NUP160: variants seen among roughly 807,000 people sequenced by gnomAD.
The protein encoded by NUP160 is nucleoporin 160.
NUP160 carries 94 observed loss-of-function variants against 196.9 expected under a neutral mutation model. The ratio of observed to expected loss-of-function variants is 0.48; its 90% confidence interval spans 0.40 to 0.57. The LOEUF (loss-of-function observed/expected upper bound fraction) is 0.57, where lower values mean the gene tolerates loss of function less well. Ranked by LOEUF, NUP160 falls within the 20% of genes least tolerant of loss-of-function variation. The probability of loss-of-function intolerance (pLI) is 0.00; values close to 1 mark genes in which losing one functional copy is unlikely to be tolerated. For synonymous variants in NUP160, 605 were observed against 619.7 expected (o/e 0.98, Z 0.35); for missense variants, 1,638 against 1,748.3 (o/e 0.94, Z 1.13).
In NUP160 at chr11:47,821,878, G is replaced by A. The variant is rs73456941; in HGVS notation, c.1180-57C>T. 6.6e-3 allele frequency: 8,986 copies of A among 1,362,660 alleles called. 497 individuals carry two copies. In the African/African-American group the frequency reaches 0.11, roughly 17 times the overall value. 84.4% of individuals were successfully genotyped at this position (1,362,660 alleles called of 1,614,324 possible). On this transcript the variant is annotated intron_variant, in intron 8 of 35. Coordinates refer to ENST00000378460, the Ensembl canonical transcript of NUP160. ...AATAAGAAAGAAAGTAGTAGTTCAC[G>A]GTGACTTACTTTTTCATCAGTAGGA...
chr11:47,784,879 T>C lies in NUP160; in HGVS notation c.3990+43A>G, dbSNP rs75075025. Reference sequence around the variant, plus strand: ...CATCTCATGAAGTTATCCAGAATGATAAAGAGTGGGTTCTTACTCTGTACA... The same window carrying C: ...CATCTCATGAAGTTATCCAGAATGACAAAGAGTGGGTTCTTACTCTGTACA... On this transcript the variant is annotated intron_variant, in intron 33 of 35. Transcript: ENST00000378460. 1.7e-5 allele frequency: 24 copies of C among 1,438,146 alleles called. No individual in the cohort carries two copies. The East Asian group carries it at 5.7e-4, about 34-fold the overall frequency. The allele number at this position is 1,438,146 out of a possible 1,614,324, so 89.1% of individuals were successfully genotyped here.
chr11:47,784,758 T>G (rs1424182706), intron 33 of NUP160, 164 bp downstream of exon 33: 2 of 421,086 alleles, frequency 4.7e-6, no homozygotes, highest in Non-Finnish European at 8.4e-6. Flanking sequence ...CCCAAGCTGG[T>G]CTCAAACTCC....
At chr11:47,791,831 T>C (rs1431867214) in intron 29 of NUP160, 99 bp downstream of exon 29, 6 of 822,920 alleles carry the variant, frequency 7.3e-6, no homozygotes, top group Non-Finnish European at 1.2e-5. Context: ...ATTACTATTA[T>C]ATGTAGCTTA....
At chr11:47,787,982 A>G (rs1370274239) in intron 31 of NUP160, among the ~76,000 whole-genome samples, 200 bp downstream of exon 31, 2 of 152,036 alleles carry the variant, frequency 1.3e-5, no homozygotes, top group African/African-American at 4.8e-5. Flanking sequence ...TCGGCCTCCC[A>G]AAGTGCTGGG....
chr11:47,821,336 T>TA (rs1851851220), intron 9 of NUP160: 1 of 146,284 alleles, frequency 6.8e-6, no homozygotes, highest in Non-Finnish European at 1.4e-5. Flanking sequence ...TGGTTCTACA[T>TA]AAAAAGCTCC....
chr11:47,836,933 A>G (rs749787409), exon 6 of NUP160: 1 of 1,613,728 alleles, frequency 6.2e-7, no homozygotes, highest in Admixed American at 1.7e-5. Flanking sequence ...CAAAGCAAAG[A>G]TGAAGGCATC....
intron 34 of NUP160, 106 bp from the exon 35 acceptor site, chr11:47,780,553 T>G (rs1374119310): frequency 4.7e-6 from 3 of 637,828 alleles, no homozygotes; most frequent in African/African-American, 1.9e-5. Flanking sequence ...TTTTTTTTTT[T>G]TTTTGAGATG....
chr11:47,795,471 G>C (rs1035606761), intron 27 of NUP160, among the ~76,000 whole-genome samples: 1 of 152,072 alleles, frequency 6.6e-6, no homozygotes, highest in African/African-American at 2.4e-5. Context: ...TTTACTATTA[G>C]GAATGTTAAG....
At chr11:47,819,332 A>C in intron 10 of NUP160, 42 bp downstream of exon 10, 1 of 1,394,756 alleles carries the variant, frequency 7.2e-7, no homozygotes, top group East Asian at 2.3e-5. Flanking sequence ...AAAAAGATCA[A>C]AGTAAATCAT....
chr11:47,829,555 C>T (rs1852035186), intron 7 of NUP160, among the ~76,000 whole-genome samples: 1 of 152,196 alleles, frequency 6.6e-6, no homozygotes, highest in Non-Finnish European at 1.5e-5. Flanking sequence ...GATCTACCCA[C>T]CTTGGCCTCC....
chr11:47,846,481 C>T (rs1328636441), intron 2 of NUP160, among the ~76,000 whole-genome samples: 3 of 152,188 alleles, frequency 2.0e-5, no homozygotes, highest in Non-Finnish European at 4.4e-5. Flanking sequence ...TCCCCACTCA[C>T]ATCTGGTTAG....
intron 23 of NUP160, among the ~76,000 whole-genome samples, chr11:47,799,403 T>G (rs1192115753): frequency 3.3e-5 from 5 of 152,078 alleles, no homozygotes; most frequent in Admixed American, 2.6e-4. Context: ...CATTTTTGAT[T>G]GTCCACCCTG....
exon 20 of NUP160, chr11:47,806,157 G>A (rs755053919): frequency 3.7e-6 from 6 of 1,613,766 alleles, no homozygotes; most frequent in African/African-American, 2.7e-5. Context: ...GGATACAAAA[G>A]CTGCAATAAA....
At chr11:47,807,822 G>A (rs190390828) in intron 18 of NUP160, among the ~76,000 whole-genome samples, 25 of 143,716 alleles carry the variant, frequency 1.7e-4, no homozygotes, top group African/African-American at 5.9e-4. Flanking sequence ...ACACACAAAC[G>A]TGTAGTACAT....
intron 35 of NUP160, among the ~76,000 whole-genome samples, chr11:47,779,948 G>C (rs909635511): frequency 6.6e-6 from 1 of 152,128 alleles, no homozygotes; most frequent in Non-Finnish European, 1.5e-5. Context: ...AGCTGATCTC[G>C]AACTCCTGAC....
rs1398940732 is a variant in NUP160 at position 47,806,384 on chromosome 11, T to C, written c.2447-72A>G. On this transcript the variant is annotated intron_variant, in intron 19 of 35. Coordinates refer to ENST00000378460, the Ensembl canonical transcript of NUP160. ...ATTTTCAATTAAAATAGTCTATCAATTCATTTTATGCTTGTAACAAACAAT... is the reference window on the plus strand; with the variant it reads ...ATTTTCAATTAAAATAGTCTATCAACTCATTTTATGCTTGTAACAAACAAT... 5 of 1,215,062 alleles carry C rather than the reference T, an allele frequency of 4.1e-6. No individual in the cohort carries two copies. The African/African-American group carries it at 6.1e-5, about 15-fold the overall frequency. 75.3% of individuals were successfully genotyped at this position (1,215,062 alleles called of 1,614,324 possible).
At chr11:47,815,565 A>C (rs766644792) in exon 13 of NUP160, 2 of 1,613,532 alleles carry the variant, frequency 1.2e-6, no homozygotes, top group Non-Finnish European at 1.7e-6. Flanking sequence ...TGAAGACAAC[A>C]GGCATAGAAC....
intron 20 of NUP160, 139 bp downstream of exon 20, chr11:47,806,014 A>G (rs1055414162): frequency 2.5e-5 from 18 of 715,212 alleles, no homozygotes; most frequent in African/African-American, 5.3e-5. Flanking sequence ...GGGTTTCACC[A>G]TGTTGGCCAG....
chr11:47,808,769 A>G (rs898186981), intron 17 of NUP160, among the ~76,000 whole-genome samples: 2 of 152,122 alleles, frequency 1.3e-5, no homozygotes, highest in African/African-American at 2.4e-5. Flanking sequence ...GAAACCAACA[A>G]TAAAAAGCTT....
Sources: allele counts gnomAD v4.1 joint callset (sites outside exome capture counted in the v4.1 genomes callset), GRCh38; gene constraint gnomAD v4.1.1; transcripts MANE v1.5; gene names NCBI Gene and HGNC (gene_info 2026-07-23, HGNC 2026-07-21).